Variants in RAP1B observed in about 807,000 individuals in gnomAD.
RAP1B encodes ras-related protein Rap-1b.
In RAP1B, 1 loss-of-function variant was observed where a neutral mutation model predicts 27.5. The ratio of observed to expected loss-of-function variants is 0.04; its 90% CI spans 0.01 to 0.17. The LOEUF (loss-of-function observed/expected upper bound fraction) is 0.17, where lower values mean the gene tolerates loss of function less well. Among genes scored for constraint, RAP1B ranks in the 10% least tolerant of loss-of-function variants. The pLI, the probability that RAP1B is intolerant of heterozygous loss-of-function variation, is 1.00. For synonymous variants in RAP1B, 75 were observed against 73.1 expected (o/e 1.03, Z -0.13); for missense variants, 84 against 214.8 (o/e 0.39, Z 3.81).
intron 1 of RAP1B, among the ~76,000 whole-genome samples, chr12:68,631,406 A>T (rs1470250602): frequency 6.6e-6 from 1 of 152,042 alleles, no homozygotes; most frequent in Admixed American, 6.6e-5. Context: ...TACTGTTAGA[A>T]CTTCTTTCGT....
At chr12:68,649,022 G>A (rs1424110831) in intron 2 of RAP1B, 1 of 436,014 alleles carries the variant, frequency 2.3e-6, no homozygotes, top group East Asian at 3.7e-5. Context: ...GCTAAGCACA[G>A]AGATTGAGAG....
At chr12:68,656,953 T>C (rs1874249472) in intron 6 of RAP1B, 148 bp from the exon 7 acceptor site, 6 of 712,836 alleles carry the variant, frequency 8.4e-6, no homozygotes, top group South Asian at 3.9e-5. Context: ...TTGGCAGTTA[T>C]AACACCTGAT....
intron 1 of RAP1B, among the ~76,000 whole-genome samples, chr12:68,633,054 TAGAA>T (rs557126823): frequency 1.6e-4 from 25 of 152,358 alleles, no homozygotes; most frequent in African/African-American, 5.5e-4. Context: ...CTCACTAAGT[TAGAA>T]AGGTTTTCAG....
At chr12:68,614,554 A>G (rs937637568) in intron 1 of RAP1B, among the ~76,000 whole-genome samples, 1 of 152,192 alleles carries the variant, frequency 6.6e-6, no homozygotes, top group Non-Finnish European at 1.5e-5. Flanking sequence ...TCTGTCTTAA[A>G]CTTTCTGAGA....
chr12:68,638,806 A>G (rs1410592465), intron 1 of RAP1B, among the ~76,000 whole-genome samples: 1 of 151,952 alleles, frequency 6.6e-6, no homozygotes, highest in Non-Finnish European at 1.5e-5. Context: ...GATTACAGGC[A>G]TGCACCACCA....
rs1297001938 is a variant in RAP1B, at chr12:68,632,142, TTTTGTTTG to T, written c.-26-16553_-26-16546del. On this transcript the variant is annotated intron_variant, in intron 1 of 7. Transcript: ENST00000250559. ...GGTTTTGGATTTGTTTTTTTTTTTTTTTTGTTTGTTTTTTTTTTCCAGACTGTTTGGCT... is the reference window on the plus strand; with the variant it reads ...GGTTTTGGATTTGTTTTTTTTTTTTTTTTTTTTTTTCCAGACTGTTTGGCT... 9.6e-3 allele frequency among the ~76,000 whole-genome samples: 1,299 copies of T among 135,318 alleles called. 11 individuals are homozygous for T. Among genetic ancestry groups the T allele is most frequent in the South Asian group, 0.019 (84 of 4,426 alleles). 88.8% of individuals were successfully genotyped at this position (135,318 alleles called of 152,430 possible).
At chr12:68,631,574 G>A (rs1872240213) in intron 1 of RAP1B, among the ~76,000 whole-genome samples, 1 of 151,874 alleles carries the variant, frequency 6.6e-6, no homozygotes, top group South Asian at 2.1e-4. Context: ...CTATTCCTTT[G>A]TGCCCTGTGA....
intron 2 of RAP1B, chr12:68,649,246 A>C (rs562099157): frequency 2.6e-5 from 4 of 156,094 alleles, no homozygotes; most frequent in African/African-American, 9.7e-5. Flanking sequence ...GCGTCTTGCT[A>C]TATTGCTTAG....
intron 3 of RAP1B, 60 bp from the exon 4 acceptor site, chr12:68,651,935 A>T: frequency 2.3e-6 from 3 of 1,326,980 alleles, no homozygotes; most frequent in Non-Finnish European, 3.2e-6. Flanking sequence ...TTTTTTGTGT[A>T]TATTAAGGTA....
In RAP1B at chr12:68,664,352, A is replaced by C. The variant is rs1592477427; in HGVS notation, c.*5103A>C. 1 of 152,160 alleles carries C rather than the reference A, an allele frequency of 6.6e-6. No individual in the cohort carries two copies. Among genetic ancestry groups the C allele is most frequent in the Non-Finnish European group, 1.5e-5 (1 of 68,024 alleles). The allele number at this position is 152,160 out of a possible 1,614,324, so 9.4% of individuals were successfully genotyped here. On this transcript the variant is annotated 3_prime_UTR_variant, in exon 8 of 8. Transcript: ENST00000250559. ...AGAACAGGAAATTCTATTAACTGTC[A>C]AACTCTTTAATGTGCAGTGCAGTAG...
At position 68,667,549 on chromosome 12, in the gene RAP1B, C is replaced by A. The variant is rs1364108214; in HGVS notation, c.*8300C>A. 1 of 152,150 alleles carries A rather than the reference C, an allele frequency of 6.6e-6. No homozygotes were observed. Among genetic ancestry groups the A allele is most frequent in the South Asian group, 2.1e-4 (1 of 4,826 alleles). 9.4% of individuals were successfully genotyped at this position (152,150 alleles called of 1,614,324 possible). ...GGGTTTCTTGTCTCTGTAATCACTT[C>A]TCAAAAATGAATTTGGGCTTCTCCA... On this transcript the variant is annotated 3_prime_UTR_variant, in exon 8 of 8. Transcript: ENST00000250559.
chr12:68,647,324 A>G (rs1355500208), intron 1 of RAP1B, among the ~76,000 whole-genome samples: 4 of 142,798 alleles, frequency 2.8e-5, no homozygotes, highest in African/African-American at 1.0e-4. Flanking sequence ...CATGAGGTCA[A>G]GAGATCGAGA....
chr12:68,624,133 G>A (rs1871584013), intron 1 of RAP1B, among the ~76,000 whole-genome samples: 1 of 152,144 alleles, frequency 6.6e-6, no homozygotes, highest in South Asian at 2.1e-4. Context: ...TTACTTTGAA[G>A]CAATTAGCTT....
chr12:68,641,792 T>TAAA (rs35769842), intron 1 of RAP1B, among the ~76,000 whole-genome samples: 42 of 146,220 alleles, frequency 2.9e-4, no homozygotes, highest in South Asian at 1.5e-3. Flanking sequence ...GAATCAAAGG[T>TAAA]AAAAAAAAAA....
At chr12:68,616,864 C>A (rs914246582) in intron 1 of RAP1B, among the ~76,000 whole-genome samples, 2 of 152,146 alleles carry the variant, frequency 1.3e-5, no homozygotes, top group Non-Finnish European at 2.9e-5. Flanking sequence ...TGTGCCTGGC[C>A]CAGCATTTCA....
Position 68,669,053 on chromosome 12 carries a change from C to A in RAP1B, c.*9804C>A, listed in dbSNP as rs762196497. The A allele has an allele frequency of 1.7e-4, 26 of 152,060 alleles. No individual in the cohort carries two copies. Among genetic ancestry groups the A allele is most frequent in the Non-Finnish European group, 8.8e-5 (6 of 68,002 alleles). 9.4% of individuals were successfully genotyped at this position (152,060 alleles called of 1,614,324 possible). On this transcript the variant is annotated 3_prime_UTR_variant, in exon 8 of 8. Transcript: ENST00000250559. ...CTTTTGCTTGTATTATAAGTGAATA[C>A]CTTGAAAGCTCAAAAAAATCTATTA...
intron 1 of RAP1B, among the ~76,000 whole-genome samples, chr12:68,643,845 C>T (rs1873200450): frequency 6.6e-6 from 1 of 151,858 alleles, no homozygotes; most frequent in Non-Finnish European, 1.5e-5. Flanking sequence ...ATAATTTTTT[C>T]TATTTATTAA....
At chr12:68,652,890 A>G (rs554726807) in intron 4 of RAP1B, among the ~76,000 whole-genome samples, 1 of 152,244 alleles carries the variant, frequency 6.6e-6, no homozygotes, top group African/African-American at 2.4e-5. Context: ...ACAGGCATAC[A>G]TTCATTCATC....
chr12:68,635,977 C>T (rs1305253464), intron 1 of RAP1B, among the ~76,000 whole-genome samples: 1 of 151,960 alleles, frequency 6.6e-6, no homozygotes, highest in Non-Finnish European at 1.5e-5. Flanking sequence ...CTCCTGGATT[C>T]AAGCGATTCT....
Sources: allele counts gnomAD v4.1 joint callset (sites outside exome capture counted in the v4.1 genomes callset), GRCh38; gene constraint gnomAD v4.1.1; transcripts MANE v1.5; gene names NCBI Gene and HGNC (gene_info 2026-07-23, HGNC 2026-07-21).